CA8: variants seen among roughly 807,000 people sequenced by gnomAD.
CA8 encodes the protein carbonic anhydrase 8 (inactive), also known as carbonic anhydrase-related protein.
CA8 carries 22 observed loss-of-function variants against 41.4 expected under a neutral mutation model. The observed-to-expected ratio is 0.53, with a 90% CI of 0.38 to 0.76. The LOEUF (loss-of-function observed/expected upper bound fraction) is 0.76. CA8 is among the 30% of genes least tolerant of loss of function. The probability of loss-of-function intolerance (pLI) is 0.00; values close to 1 mark genes in which losing one functional copy is unlikely to be tolerated. For synonymous variants in CA8, 121 were observed against 130.6 expected (o/e 0.93, Z 0.50); for missense variants, 270 against 352.8 (o/e 0.77, Z 1.88).
intron 2 of CA8, among the ~76,000 whole-genome samples, chr8:60,275,125 A>T (rs1804189635): frequency 6.6e-6 from 1 of 152,184 alleles, no homozygotes; most frequent in Non-Finnish European, 1.5e-5. Context: ...ACAGGAAACA[A>T]GCATATTCCA....
At chr8:60,218,379 T>G (rs1484964298) in intron 7 of CA8, among the ~76,000 whole-genome samples, 1 of 152,162 alleles carries the variant, frequency 6.6e-6, no homozygotes, top group African/African-American at 2.4e-5. Context: ...GAGAGTGTCT[T>G]TTTTATCTCC....
intron 2 of CA8, among the ~76,000 whole-genome samples, chr8:60,267,733 C>CTAAA (rs1209204620): frequency 6.6e-5 from 10 of 152,228 alleles, no homozygotes; most frequent in Admixed American, 5.2e-4. Flanking sequence ...TGAGCATGAA[C>CTAAA]TAAAAAACAA....
chr8:60,214,036 C>T (rs766805963), intron 7 of CA8, among the ~76,000 whole-genome samples: 2 of 152,214 alleles, frequency 1.3e-5, no homozygotes, highest in African/African-American at 2.4e-5. Flanking sequence ...TGGAACGCAG[C>T]AATCTGTGCT....
rs967283913 is a variant in CA8 at position 60,187,768 on chromosome 8, T to C, written c.*2253A>G. The stretch of plus-strand genomic sequence containing the variant: ...TTTGTTGCCTTATTAAATTGTTTCA[T>C]AAACAAAATGCACCCTAAATTAAAT... On this transcript the variant is annotated 3_prime_UTR_variant, in exon 9 of 9. Transcript: ENST00000317995. 6.6e-6 allele frequency: 1 copy of C among 152,304 alleles called. No individual in the cohort carries two copies. The highest frequency in any genetic ancestry group is 6.5e-5 in the Admixed American group (1 of 15,296). The allele number at this position is 152,304 out of a possible 1,614,324, so 9.4% of individuals were successfully genotyped here.
chr8:60,251,644 A>G (rs889029844), intron 3 of CA8, among the ~76,000 whole-genome samples: 2 of 152,336 alleles, frequency 1.3e-5, no homozygotes, highest in South Asian at 2.1e-4. Context: ...GGTCAGCCCA[A>G]TTTCATACCT....
chr8:60,233,986 A>T (rs956275636), intron 3 of CA8, among the ~76,000 whole-genome samples: 4 of 152,226 alleles, frequency 2.6e-5, no homozygotes, highest in Non-Finnish European at 4.4e-5. Context: ...TTCAAAGAGT[A>T]AAGTATGGAA....
rs1804407506 is a variant in CA8, at chr8:60,281,082, TTCC to T, written c.63_65del (p.Glu25del). 4 of 1,610,644 alleles carry T rather than the reference TTCC, an allele frequency of 2.5e-6. No individual in the cohort carries two copies. In the East Asian group the frequency reaches 8.9e-5, roughly 36 times the overall value. On this transcript the variant is annotated inframe_deletion, in exon 1 of 9. Transcript: ENST00000317995. ...AGCCCCACTCCACACCCTCCTCTTC[TTCC>T]TCCTCATCCTCTTCCTTCTCGGGGA...
intron 3 of CA8, among the ~76,000 whole-genome samples, chr8:60,255,215 A>G (rs1290267376): frequency 2.0e-5 from 3 of 151,874 alleles, no homozygotes; most frequent in Non-Finnish European, 4.4e-5. Context: ...TAGGGAGCAG[A>G]CTCATAAATC....
chr8:60,243,596 G>C (rs1288349618), intron 3 of CA8, among the ~76,000 whole-genome samples: 5 of 151,998 alleles, frequency 3.3e-5, no homozygotes. Flanking sequence ...TAGTGAAACT[G>C]CTCACCGTCT....
intron 2 of CA8, among the ~76,000 whole-genome samples, chr8:60,267,126 T>C (rs1803928337): frequency 6.6e-6 from 1 of 152,226 alleles, no homozygotes. Context: ...TGCAACAATA[T>C]TTACTTGTTT....
intron 3 of CA8, among the ~76,000 whole-genome samples, chr8:60,251,593 C>T (rs1808450403): frequency 6.6e-6 from 1 of 152,196 alleles, no homozygotes; most frequent in Admixed American, 6.5e-5. Flanking sequence ...ACACTATGTA[C>T]ATGCTCACTG....
intron 3 of CA8, among the ~76,000 whole-genome samples, chr8:60,255,464 T>C (rs1255699868): frequency 1.3e-5 from 2 of 152,168 alleles, no homozygotes; most frequent in Non-Finnish European, 2.9e-5. Flanking sequence ...CACCAATTTA[T>C]AGTTCCCAAG....
At chr8:60,273,801 G>T (rs776712012) in intron 2 of CA8, among the ~76,000 whole-genome samples, 2 of 152,236 alleles carry the variant, frequency 1.3e-5, no homozygotes, top group African/African-American at 4.8e-5. Flanking sequence ...GTTCATCAGT[G>T]ACCTTGGCTT....
intron 8 of CA8, among the ~76,000 whole-genome samples, chr8:60,201,350 T>C (rs550779630): frequency 7.2e-5 from 11 of 152,334 alleles, no homozygotes; most frequent in Admixed American, 7.2e-4. Flanking sequence ...TGAGTTCACC[T>C]ACAGAGACAG....
At chr8:60,257,932 AGT>A (rs1803603732) in intron 3 of CA8, among the ~76,000 whole-genome samples, 1 of 152,268 alleles carries the variant, frequency 6.6e-6, no homozygotes, top group Non-Finnish European at 1.5e-5. Context: ...TCAATGTTAC[AGT>A]AACACAGTTT....
At position 60,192,370 on chromosome 8, in the gene CA8, T is replaced by C. The variant is rs139678904; in HGVS notation, c.*36-2385A>G. 4.6e-5 allele frequency among the ~76,000 whole-genome samples: 7 copies of C among 152,264 alleles called. No individual in the cohort carries two copies. In the East Asian group the frequency reaches 1.3e-3, roughly 29 times the overall value. On this transcript the variant is annotated intron_variant, in intron 8 of 8. Coordinates refer to ENST00000317995, the MANE Select transcript of CA8 (RefSeq NM_004056.6). ...TCTTAGGGAATGTGTGGGACTGTAATGACAGCAGATATCATGTGCTGAGCA... is the reference window on the plus strand; with the variant it reads ...TCTTAGGGAATGTGTGGGACTGTAACGACAGCAGATATCATGTGCTGAGCA...
chr8:60,193,732 C>A (rs1287797478), intron 8 of CA8, among the ~76,000 whole-genome samples: 2 of 152,070 alleles, frequency 1.3e-5, no homozygotes, highest in African/African-American at 4.8e-5. Context: ...TTTCTCCCTC[C>A]ATGTTCTGAA....
In CA8 at chr8:60,186,293, G is replaced by C. The variant is rs2130358093; in HGVS notation, c.*3728C>G. Among the ~76,000 whole-genome samples, 1 of 151,894 alleles carries C rather than the reference G, an allele frequency of 6.6e-6. No individual in the cohort carries two copies. The highest frequency in any genetic ancestry group is 6.6e-5 in the Admixed American group (1 of 15,250). On this transcript the variant is annotated 3_prime_UTR_variant, in exon 9 of 9. Coordinates refer to ENST00000317995, the MANE Select transcript of CA8 (RefSeq NM_004056.6). ...GAAGAGAGTTCAGAGCTATTTAGTA[G>C]TAACTAAATAACTCACTGTAATAAA...
At chr8:60,263,135 G>A (rs1420865409) in intron 3 of CA8, among the ~76,000 whole-genome samples, 1 of 152,240 alleles carries the variant, frequency 6.6e-6, no homozygotes, top group African/African-American at 2.4e-5. Flanking sequence ...GAGGTCAGGA[G>A]TTCGAGACCA....
Sources: allele counts gnomAD v4.1 joint callset (sites outside exome capture counted in the v4.1 genomes callset), GRCh38; gene constraint gnomAD v4.1.1; transcripts MANE v1.5; gene names NCBI Gene and HGNC (gene_info 2026-07-23, HGNC 2026-07-21).